TMEM117: variants seen among roughly 807,000 people sequenced by gnomAD.
The protein encoded by TMEM117 is transmembrane protein 117.
In TMEM117, 27 loss-of-function variants were observed where a neutral mutation model predicts 52.4. That is an observed-to-expected ratio of 0.51 (90% CI 0.38 to 0.71). TMEM117 has a LOEUF of 0.71. Ranked by LOEUF, TMEM117 falls within the 30% of genes least tolerant of loss-of-function variation. The pLI is 0.00. For synonymous variants in TMEM117, 215 were observed against 206.3 expected (o/e 1.04, Z -0.36); for missense variants, 556 against 630.5 (o/e 0.88, Z 1.26).
intron 5 of TMEM117, among the ~76,000 whole-genome samples, chr12:44,258,143 A>G (rs1950280653): frequency 6.6e-6 from 1 of 152,114 alleles, no homozygotes; most frequent in African/African-American, 2.4e-5. Context: ...GTAGCTACCA[A>G]AGCATTAGGT....
chr12:44,046,456 G>C (rs886530156), intron 3 of TMEM117, among the ~76,000 whole-genome samples: 4 of 152,174 alleles, frequency 2.6e-5, no homozygotes, highest in African/African-American at 9.7e-5. Flanking sequence ...GCATCTCTTA[G>C]TATTACCATG....
At chr12:43,897,182 C>G (rs1197331001) in intron 2 of TMEM117, among the ~76,000 whole-genome samples, 4 of 152,196 alleles carry the variant, frequency 2.6e-5, no homozygotes, top group Non-Finnish European at 4.4e-5. Context: ...TCCTCAGTCT[C>G]TCACCATATT....
At chr12:44,341,010 C>T (rs2138750806) in intron 6 of TMEM117, among the ~76,000 whole-genome samples, 1 of 152,054 alleles carries the variant, frequency 6.6e-6, no homozygotes, top group South Asian at 2.1e-4. Flanking sequence ...CAAGTGTACA[C>T]ATTTTTTTAG....
intron 2 of TMEM117, among the ~76,000 whole-genome samples, chr12:43,863,992 G>A (rs917278555): frequency 6.6e-6 from 1 of 152,104 alleles, no homozygotes; most frequent in Non-Finnish European, 1.5e-5. Context: ...CACACTCGGA[G>A]CTGCCGGCCA....
intron 6 of TMEM117, among the ~76,000 whole-genome samples, chr12:44,317,650 C>T (rs758137153): frequency 3.9e-5 from 6 of 152,138 alleles, no homozygotes; most frequent in Non-Finnish European, 8.8e-5. Flanking sequence ...CCAGCCTGGC[C>T]TTGGCTTTGC....
At chr12:44,210,221 G>C (rs981130166) in intron 4 of TMEM117, among the ~76,000 whole-genome samples, 18 of 152,172 alleles carry the variant, frequency 1.2e-4, no homozygotes, top group African/African-American at 4.3e-4. Context: ...CTCTTCTCTT[G>C]AAGGGAAGGC....
chr12:43,815,750 T>C, the TMEM117 span, among the ~76,000 whole-genome samples: 322 of 152,320 alleles, frequency 2.1e-3, 2 homozygotes, highest in African/African-American at 7.1e-3. Context: ...AGCTGTCTTT[T>C]TGCCACACTT....
the TMEM117 span, among the ~76,000 whole-genome samples, chr12:44,398,300 G>A: frequency 6.6e-6 from 1 of 152,126 alleles, no homozygotes; most frequent in African/African-American, 2.4e-5. Flanking sequence ...ATCCAATATG[G>A]AGGGAAGTGT....
intron 3 of TMEM117, among the ~76,000 whole-genome samples, chr12:44,080,500 G>A (rs1947464697): frequency 6.6e-6 from 1 of 152,086 alleles, no homozygotes; most frequent in African/African-American, 2.4e-5. Flanking sequence ...TTTGGGTGGG[G>A]AAACAGCCAA....
chr12:44,077,551 A>G (rs928382203), intron 3 of TMEM117, among the ~76,000 whole-genome samples: 8 of 152,146 alleles, frequency 5.3e-5, no homozygotes, highest in Non-Finnish European at 7.3e-5. Context: ...GTCAGCCCTG[A>G]GCTTGGTTAA....
intron 3 of TMEM117, among the ~76,000 whole-genome samples, chr12:44,067,291 C>G (rs1947235699): frequency 1.3e-5 from 2 of 152,152 alleles, no homozygotes; most frequent in South Asian, 4.1e-4. Flanking sequence ...TTTACCTCCT[C>G]CCATGAATCA....
chr12:44,329,653 A>G (rs138068491), intron 6 of TMEM117, among the ~76,000 whole-genome samples: 1 of 152,226 alleles, frequency 6.6e-6, no homozygotes, highest in Non-Finnish European at 1.5e-5. Flanking sequence ...TCCACTAAAC[A>G]GTAACTCCCC....
chr12:44,354,904 A>C (rs1181318964), intron 6 of TMEM117, among the ~76,000 whole-genome samples: 1 of 152,096 alleles, frequency 6.6e-6, no homozygotes, highest in Non-Finnish European at 1.5e-5. Flanking sequence ...TCACAGGAAG[A>C]AATTTTATAT....
chr12:43,808,552 A>G, the TMEM117 span, among the ~76,000 whole-genome samples: 1 of 152,178 alleles, frequency 6.6e-6, no homozygotes, highest in Non-Finnish European at 1.5e-5. Flanking sequence ...TGGTGGTCAC[A>G]AAACACAAAT....
At chr12:43,823,731 C>T in the TMEM117 span, among the ~76,000 whole-genome samples, 2 of 152,008 alleles carry the variant, frequency 1.3e-5, no homozygotes, top group African/African-American at 2.4e-5. Context: ...CCAGGATGGT[C>T]TCGATCTGTT....
intron 4 of TMEM117, among the ~76,000 whole-genome samples, chr12:44,192,612 T>C (rs1452828435): frequency 6.6e-6 from 1 of 152,102 alleles, no homozygotes; most frequent in Non-Finnish European, 1.5e-5. Flanking sequence ...ACTGAATAAA[T>C]AAAATGTTTT....
chr12:44,329,878 GTATATACCGTATTTTGTTTA>G (rs1951245450), intron 6 of TMEM117, among the ~76,000 whole-genome samples: 2 of 152,006 alleles, frequency 1.3e-5, no homozygotes, highest in Non-Finnish European at 2.9e-5. Flanking sequence ...GTCTTTGTAT[GTATATACCGTATTTTGTTTA>G]TCCATTGATC....
chr12:44,210,719 T>C (rs1478358719), intron 4 of TMEM117, among the ~76,000 whole-genome samples: 1 of 152,094 alleles, frequency 6.6e-6, no homozygotes, highest in Non-Finnish European at 1.5e-5. Context: ...GACTTAGGCC[T>C]CGGAAGATGG....
At chr12:44,183,675 A>G (rs1462374671) in intron 4 of TMEM117, among the ~76,000 whole-genome samples, 3 of 152,184 alleles carry the variant, frequency 2.0e-5, no homozygotes, top group African/African-American at 4.8e-5. Context: ...GGCAAGCTGC[A>G]TAAGGAATAA....
Sources: allele counts gnomAD v4.1 joint callset (sites outside exome capture counted in the v4.1 genomes callset), GRCh38; gene constraint gnomAD v4.1.1; transcripts MANE v1.5; gene names NCBI Gene and HGNC (gene_info 2026-07-23, HGNC 2026-07-21).